Variants in HMBOX1 observed in about 807,000 individuals in gnomAD.
The protein encoded by HMBOX1 is homeobox containing 1, also known as homeobox-containing protein 1.
In HMBOX1, 14 loss-of-function variants were observed where a neutral mutation model predicts 54.5. The observed-to-expected ratio is 0.26, with a 90% CI of 0.17 to 0.40. HMBOX1 has a LOEUF of 0.40. HMBOX1 is among the 10% of genes least tolerant of loss of function. The pLI is 1.00. For synonymous variants in HMBOX1, 160 were observed against 181.0 expected (o/e 0.88, Z 0.93); for missense variants, 332 against 514.4 (o/e 0.65, Z 3.43).
At chr8:29,009,640 C>G in intron 5 of HMBOX1, 1 of 1,136,508 alleles carries the variant, frequency 8.8e-7, no homozygotes, top group Non-Finnish European at 1.1e-6. Context: ...TTTTTTTTTT[C>G]TAATTCTAAT....
intron 1 of HMBOX1, among the ~76,000 whole-genome samples, chr8:28,945,846 T>G (rs1188456126): frequency 6.6e-6 from 1 of 152,022 alleles, no homozygotes; most frequent in Non-Finnish European, 1.5e-5. Flanking sequence ...TAAGATACAA[T>G]TCACATACCG....
intron 6 of HMBOX1, among the ~76,000 whole-genome samples, chr8:29,030,701 A>G (rs1487621726): frequency 1.3e-5 from 2 of 152,196 alleles, no homozygotes; most frequent in African/African-American, 4.8e-5. Flanking sequence ...CTAGAATTAA[A>G]TCTTTGGAAA....
rs2133375562 is a variant in HMBOX1, at chr8:29,047,405, A to C, written c.982A>C (p.Asn328His). The C allele has an allele frequency of 6.2e-7, 1 of 1,611,310 alleles. No individual in the cohort carries two copies. Among genetic ancestry groups the C allele is most frequent in the East Asian group, 2.2e-5 (1 of 44,840 alleles). ...LERVTSLKVY[N>H]WFANRRKEIK... ...AAGAGTTACCTCCCTGAAAGTATAT[A>C]ATTGGTTTGCTAACAGAAGGAAGGA... The change falls in exon 8 of 10, where the codon AAT becomes CAT. Residue 328 changes from asparagine to histidine, a missense_variant. Asn to His is a moderately conservative substitution (Grantham distance 68). Around this residue, in one of 4 missense-constraint regions of HMBOX1, gnomAD observed 0 missense variants for 16.4 expected, o/e 0.00. Transcript: ENST00000287701.
chr8:29,006,707 C>T (rs942153523), intron 4 of HMBOX1, among the ~76,000 whole-genome samples: 1 of 152,064 alleles, frequency 6.6e-6, no homozygotes, highest in Non-Finnish European at 1.5e-5. Flanking sequence ...TAACTAATGT[C>T]CGTTTGATGA....
At chr8:28,953,383 AT>A (rs201911425) in intron 1 of HMBOX1, among the ~76,000 whole-genome samples, 2,091 of 152,248 alleles carry the variant, frequency 0.014, 60 homozygotes, top group Admixed American at 0.07. Context: ...ACACCTTCTG[AT>A]TAACTTCCTA....
At chr8:29,039,172 T>C (rs1177958562) in intron 6 of HMBOX1, among the ~76,000 whole-genome samples, 4 of 152,194 alleles carry the variant, frequency 2.6e-5, no homozygotes, top group Admixed American at 2.0e-4. Flanking sequence ...CATACCTGTA[T>C]CTCCTGGTGA....
chr8:28,903,867 C>T (rs1813733438), intron 1 of HMBOX1, among the ~76,000 whole-genome samples: 1 of 152,174 alleles, frequency 6.6e-6, no homozygotes, highest in Non-Finnish European at 1.5e-5. Context: ...ATTTTACCCT[C>T]CAGGGACATT....
At chr8:29,022,763 A>G (rs1284563320) in intron 6 of HMBOX1, among the ~76,000 whole-genome samples, 4 of 152,086 alleles carry the variant, frequency 2.6e-5, no homozygotes, top group Non-Finnish European at 5.9e-5. Flanking sequence ...TATCAATAAA[A>G]GAGAAACAAC....
intron 9 of HMBOX1, 34 bp from the exon 10 acceptor site, chr8:29,050,984 C>A: frequency 6.3e-7 from 1 of 1,596,596 alleles, no homozygotes; most frequent in Non-Finnish European, 8.5e-7. Context: ...TTCTTCCAAT[C>A]CACTAATAAC....
At chr8:28,915,589 T>TC (rs1816388290) in intron 1 of HMBOX1, 1 of 146,940 alleles carries the variant, frequency 6.8e-6, no homozygotes, top group African/African-American at 2.5e-5. Context: ...AGAGACAGAG[T>TC]CCTGCTCTGT....
At chr8:28,986,547 A>G (rs1413588502) in intron 4 of HMBOX1, among the ~76,000 whole-genome samples, 3 of 152,094 alleles carry the variant, frequency 2.0e-5, no homozygotes, top group Non-Finnish European at 4.4e-5. Context: ...TTTGAAGGCT[A>G]TCACCTATCT....
intron 1 of HMBOX1, among the ~76,000 whole-genome samples, chr8:28,916,736 A>G (rs1358421147): frequency 6.6e-6 from 1 of 152,148 alleles, no homozygotes; most frequent in Non-Finnish European, 1.5e-5. Context: ...ACAATCAGTT[A>G]ATATGAGTCT....
intron 1 of HMBOX1, among the ~76,000 whole-genome samples, chr8:28,940,027 A>AT (rs1326229622): frequency 2.0e-5 from 3 of 151,268 alleles, no homozygotes; most frequent in Admixed American, 1.3e-4. Context: ...ATTGTTTTAG[A>AT]TTTTTTTTGT....
chr8:28,941,939 T>C (rs1263917916), intron 1 of HMBOX1, among the ~76,000 whole-genome samples: 1 of 152,186 alleles, frequency 6.6e-6, no homozygotes, highest in Non-Finnish European at 1.5e-5. Flanking sequence ...AGCCCTTGAA[T>C]GGAATGTGAC....
chr8:28,895,622 C>G (rs1053204865), intron 1 of HMBOX1, among the ~76,000 whole-genome samples: 2 of 151,860 alleles, frequency 1.3e-5, no homozygotes, highest in African/African-American at 4.8e-5. Context: ...TTGTAGTGAG[C>G]TGAGATTGCG....
At chr8:28,897,219 G>A (rs965916050) in intron 1 of HMBOX1, among the ~76,000 whole-genome samples, 1 of 151,682 alleles carries the variant, frequency 6.6e-6, no homozygotes, top group Non-Finnish European at 1.5e-5. Flanking sequence ...CCCCCCTCAG[G>A]TGATCCACCC....
intron 1 of HMBOX1, among the ~76,000 whole-genome samples, chr8:28,938,753 G>T (rs1424166641): frequency 6.7e-6 from 1 of 148,896 alleles, no homozygotes; most frequent in East Asian, 2.0e-4. Context: ...CTGGCCAGGG[G>T]TATCTTTTCA....
intron 1 of HMBOX1, among the ~76,000 whole-genome samples, chr8:28,897,901 A>G (rs1812475521): frequency 6.6e-6 from 1 of 152,202 alleles, no homozygotes; most frequent in African/African-American, 2.4e-5. Flanking sequence ...CTAGCTTTAA[A>G]GGAAGTTAGT....
chr8:28,892,453 A>AT (rs991130759), intron 1 of HMBOX1, among the ~76,000 whole-genome samples: 12 of 152,200 alleles, frequency 7.9e-5, no homozygotes, highest in Admixed American at 2.0e-4. Context: ...TTATGTGACA[A>AT]TTTTTTTAGT....
Sources: gnomAD v4.1 joint callset for allele counts (sites outside exome capture counted in the v4.1 genomes callset) on GRCh38, gnomAD v4.1.1 for gene constraint, gnomAD v4.1.1 regional missense constraint, MANE v1.5 for transcripts, NCBI Gene and HGNC (gene_info 2026-07-23, HGNC 2026-07-21) for gene names.